STAU1: variants seen among roughly 807,000 people sequenced by gnomAD.
The protein encoded by STAU1 is double-stranded RNA-binding protein Staufen homolog 1.
STAU1 carries 13 observed loss-of-function variants against 62.9 expected under a neutral mutation model. The ratio of observed to expected loss-of-function variants is 0.21; its 90% CI spans 0.13 to 0.33. The LOEUF is 0.33. Ranked by LOEUF, STAU1 falls within the 10% of genes least tolerant of loss-of-function variation. The pLI, the probability that STAU1 is intolerant of heterozygous loss-of-function variation, is 1.00. For missense variants in STAU1, 571 were observed against 712.1 expected, an observed-to-expected ratio of 0.80 and a Z score of 2.25; for synonymous variants, 269 against 265.1, an observed-to-expected ratio of 1.01 and a Z score of -0.14.
intron 4 of STAU1, among the ~76,000 whole-genome samples, chr20:49,152,869 G>C (rs1600750501): frequency 6.6e-6 from 1 of 152,126 alleles, no homozygotes. Context: ...GCAGTTACAA[G>C]GGTTATCTTT....
intron 1 of STAU1, among the ~76,000 whole-genome samples, chr20:49,178,062 A>G (rs1048983782): frequency 2.0e-5 from 3 of 152,158 alleles, no homozygotes; most frequent in Admixed American, 6.6e-5. Context: ...CTGTAGTCTC[A>G]GCTACTTGGA....
In STAU1 at chr20:49,118,060, C is replaced by T. The variant is rs1276223953; in HGVS notation, c.1226G>A (p.Ser409Asn). 3 of 1,614,148 alleles carry T rather than the reference C, an allele frequency of 1.9e-6. No homozygotes were observed. Among genetic ancestry groups the T allele is most frequent in the African/African-American group, 1.3e-5 (1 of 75,038 alleles). ...KEDEFRMPYL[S>N]HQQLPAGILP... ...AATTCCAGCAGGCAGCTGCTGATGA[C>T]TTAGATAAGGCATCCTGAACTCATC... The change falls in exon 11 of 14, where the codon AGT becomes AAT. Residue 409 changes from serine (S) to asparagine (N), a missense_variant. Ser to Asn is a conservative substitution (Grantham distance 46). This residue lies in a region of STAU1 where 414 missense variants were observed against 499.6 expected (regional missense o/e 0.83). Coordinates refer to ENST00000371856, the MANE Select transcript of STAU1 (RefSeq NM_017453.4).
In STAU1 at chr20:49,185,843, T is replaced by C. The variant is rs545094392; in HGVS notation, c.-160+2273A>G. ...ATATGGCAGTATTAGACATGCTTTATACTGCTTGTATAGTTGTTTGCTTAT... is the reference window on the plus strand; with the variant it reads ...ATATGGCAGTATTAGACATGCTTTACACTGCTTGTATAGTTGTTTGCTTAT... On this transcript the variant is annotated intron_variant, in intron 1 of 13. Transcript: ENST00000371856. Among the ~76,000 whole-genome samples, 3 of 152,314 alleles carry C rather than the reference T, an allele frequency of 2.0e-5. No homozygotes were observed. In the South Asian group the frequency reaches 6.2e-4, roughly 32 times the overall value.
At chr20:49,193,482 C>A in the STAU1 span, among the ~76,000 whole-genome samples, 3 of 152,190 alleles carry the variant, frequency 2.0e-5, no homozygotes, top group African/African-American at 7.2e-5. Flanking sequence ...ACCATCCTGG[C>A]AAACATGGTG....
intron 1 of STAU1, among the ~76,000 whole-genome samples, chr20:49,186,565 T>C (rs1232084550): frequency 6.6e-6 from 1 of 151,990 alleles, no homozygotes; most frequent in Non-Finnish European, 1.5e-5. Flanking sequence ...TCCTTACTCA[T>C]ATAAAATTGA....
intron 1 of STAU1, among the ~76,000 whole-genome samples, chr20:49,180,141 A>G (rs1174705158): frequency 6.6e-6 from 1 of 152,176 alleles, no homozygotes; most frequent in Non-Finnish European, 1.5e-5. Flanking sequence ...TGTACTAAAT[A>G]CTCCCAACAG....
At chr20:49,125,534 G>GAAAAA (rs527934630) in intron 6 of STAU1, among the ~76,000 whole-genome samples, 10 of 76,358 alleles carry the variant, frequency 1.3e-4, no homozygotes, top group African/African-American at 1.9e-4. Flanking sequence ...TGTCTCAAAG[G>GAAAAA]AAAAAAAAAA....
chr20:49,122,723 C>T (rs2092493230), intron 8 of STAU1, among the ~76,000 whole-genome samples: 1 of 151,930 alleles, frequency 6.6e-6, no homozygotes, highest in Admixed American at 6.6e-5. Flanking sequence ...CAAAACCATC[C>T]TGGCCAACAT....
rs144638354 is a variant in STAU1 at position 49,168,744 on chromosome 20, G to A, written c.-84-2459C>T. Reference sequence around the variant, plus strand: ...GTTCCCCCAGGAGACATCTGCCAATGTCTGGAGACATTTTTTGGTTGTCAC... The same window carrying A: ...GTTCCCCCAGGAGACATCTGCCAATATCTGGAGACATTTTTTGGTTGTCAC... On this transcript the variant is annotated intron_variant, in intron 2 of 13. Transcript: ENST00000371856. Among the ~76,000 whole-genome samples, 306 of 152,244 alleles carry A rather than the reference G, an allele frequency of 2.0e-3. 1 individual carries two copies. Among genetic ancestry groups the A allele is most frequent in the African/African-American group, 7.0e-3 (290 of 41,540 alleles).
chr20:49,206,760 T>A, the STAU1 span, among the ~76,000 whole-genome samples: 18 of 141,662 alleles, frequency 1.3e-4, no homozygotes, highest in African/African-American at 1.6e-4. Context: ...TATTTTATTT[T>A]ATTTTTTTTT....
At chr20:49,173,002 C>G (rs1024749707) in intron 2 of STAU1, among the ~76,000 whole-genome samples, 2 of 151,814 alleles carry the variant, frequency 1.3e-5, no homozygotes, top group African/African-American at 2.4e-5. Context: ...CCCCCAACAC[C>G]TGGCTAATGT....
chr20:49,159,717 C>A (rs974244474), intron 3 of STAU1, among the ~76,000 whole-genome samples: 1 of 152,114 alleles, frequency 6.6e-6, no homozygotes, highest in Non-Finnish European at 1.5e-5. Context: ...CGCACCACCA[C>A]ATCCAGCTAA....
intron 2 of STAU1, among the ~76,000 whole-genome samples, chr20:49,167,036 T>C (rs1415757389): frequency 6.6e-6 from 1 of 152,194 alleles, no homozygotes; most frequent in Non-Finnish European, 1.5e-5. Context: ...CTGGCAATTT[T>C]ACTGGTGTGG....
upstream of STAU1, among the ~76,000 whole-genome samples, chr20:49,188,708 C>G (rs1017812074): frequency 5.9e-5 from 9 of 152,232 alleles, no homozygotes; most frequent in Admixed American, 2.6e-4. Context: ...TGTCCTGCCT[C>G]TGGCCTTCCT....
At chr20:49,125,705 G>A (rs13038966) in intron 6 of STAU1, among the ~76,000 whole-genome samples, 2,323 of 151,880 alleles carry the variant, frequency 0.015, 29 homozygotes, top group Non-Finnish European at 0.025. Flanking sequence ...AAAATTAGCC[G>A]GGCGTGGTGG....
intron 13 of STAU1, 80 bp from the exon 14 acceptor site, chr20:49,114,973 G>T: frequency 1.4e-6 from 2 of 1,466,932 alleles, no homozygotes; most frequent in Non-Finnish European, 1.9e-6. Flanking sequence ...AAAAGAAATT[G>T]GCAAACATCA....
chr20:49,158,972 G>A (rs1009147425), intron 3 of STAU1: 46 of 1,301,320 alleles, frequency 3.5e-5, no homozygotes, highest in Non-Finnish European at 4.5e-5. Context: ...GGACATCAGG[G>A]GTCTCCTTTA....
At chr20:49,137,502 T>G (rs985887605) in intron 5 of STAU1, among the ~76,000 whole-genome samples, 3 of 152,184 alleles carry the variant, frequency 2.0e-5, no homozygotes, top group Non-Finnish European at 4.4e-5. Context: ...TTCTTCACAT[T>G]ATTGCTTATT....
chr20:49,154,139 G>GTAA, intron 3 of STAU1, 68 bp from the exon 4 acceptor site: 3 of 1,461,456 alleles, frequency 2.1e-6, no homozygotes, highest in Non-Finnish European at 1.8e-6. Context: ...AAAATAAAAT[G>GTAA]TAATAGCATG....
Sources: allele counts gnomAD v4.1 joint callset (sites outside exome capture counted in the v4.1 genomes callset), GRCh38; gene constraint gnomAD v4.1.1; regional missense constraint gnomAD v4.1.1; transcripts MANE v1.5; gene names NCBI Gene and HGNC (gene_info 2026-07-23, HGNC 2026-07-21).